The following SLC25A43 variants were observed in gnomAD, a reference collection of about 807,000 sequenced individuals.
SLC25A43 encodes the protein solute carrier family 25 member 43.
In SLC25A43, 10 loss-of-function variants were observed where a neutral mutation model predicts 22.8. The observed-to-expected ratio is 0.44, with a 90% CI of 0.27 to 0.74. SLC25A43 has a LOEUF of 0.74. Among genes scored for constraint, SLC25A43 ranks in the 30% least tolerant of loss-of-function variants. The probability of loss-of-function intolerance (pLI) is 0.17; values close to 1 mark genes in which losing one functional copy is unlikely to be tolerated. For missense variants in SLC25A43, 233 were observed against 279.1 expected (o/e 0.83, Z 1.18); for synonymous variants, 106 against 121.6 (o/e 0.87, Z 0.84).
intron 3 of SLC25A43, among the ~76,000 whole-genome samples, chrX:119,441,958 TG>T (rs2052626545): frequency 1.8e-5 from 2 of 110,785 alleles, no homozygotes; most frequent in African/African-American, 6.6e-5. Flanking sequence ...GGCCTGGTGG[TG>T]CACACCTGTA....
intron 3 of SLC25A43, among the ~76,000 whole-genome samples, chrX:119,443,519 G>T (rs1333217728): frequency 1.0e-5 from 1 of 98,054 alleles, no homozygotes; most frequent in Non-Finnish European, 2.0e-5. Context: ...CACAATCTCA[G>T]CTCACTGCAA....
chrX:119,401,252 C>T (rs867059832), intron 1 of SLC25A43, among the ~76,000 whole-genome samples: 2 of 111,243 alleles, frequency 1.8e-5, no homozygotes, highest in Non-Finnish European at 3.8e-5. Flanking sequence ...TGCTGCCTCC[C>T]TGCATCCATT....
At chrX:119,419,540 T>C (rs2147269586) in intron 3 of SLC25A43, among the ~76,000 whole-genome samples, 1 of 111,697 alleles carries the variant, frequency 9.0e-6, no homozygotes, top group South Asian at 3.8e-4. Context: ...ACTTCATTCA[T>C]TCCCTCTCAG....
intron 3 of SLC25A43, among the ~76,000 whole-genome samples, chrX:119,445,074 C>T (rs1766600379): frequency 2.1e-5 from 2 of 95,154 alleles, no homozygotes; most frequent in African/African-American, 3.8e-5. Flanking sequence ...AAGGAACTTG[C>T]TTAAGATCAA....
At chrX:119,432,992 G>A (rs972711059) in intron 3 of SLC25A43, among the ~76,000 whole-genome samples, 2 of 110,149 alleles carry the variant, frequency 1.8e-5, no homozygotes, top group Middle Eastern at 4.6e-3. Flanking sequence ...CCAGCTACTC[G>A]GGAGGCTGAG....
chrX:119,429,596 CA>C (rs2052536679), intron 3 of SLC25A43, among the ~76,000 whole-genome samples: 5 of 111,910 alleles, frequency 4.5e-5, no homozygotes. Context: ...AAACCATAAA[CA>C]CAACAAATGT....
In SLC25A43 at chrX:119,428,261, T is replaced by C. The variant is rs753624814; in HGVS notation, c.690+17899T>C. 1.6e-3 allele frequency among the ~76,000 whole-genome samples: 175 copies of C among 111,373 alleles called. 1 individual carries two copies. The highest frequency in any genetic ancestry group is 4.6e-3 in the Middle Eastern group (1 of 216). Reference sequence around the variant, plus strand: ...CTTGAGGTCAGGAGTTCAAGACCAGTCTGGCCAACATGGTGAAACCCTGTC... The same window carrying C: ...CTTGAGGTCAGGAGTTCAAGACCAGCCTGGCCAACATGGTGAAACCCTGTC... On this transcript the variant is annotated intron_variant, in intron 3 of 4. Coordinates refer to ENST00000217909, the MANE Select transcript of SLC25A43 (RefSeq NM_145305.3).
At chrX:119,430,289 G>A (rs781242846) in intron 3 of SLC25A43, among the ~76,000 whole-genome samples, 5 of 112,552 alleles carry the variant, frequency 4.4e-5, no homozygotes, top group South Asian at 7.3e-4. Context: ...ATTCTTTAGC[G>A]CTTGCTCTAT....
chrX:119,419,584 A>AT (rs746408020), intron 3 of SLC25A43, among the ~76,000 whole-genome samples: 4 of 111,288 alleles, frequency 3.6e-5, no homozygotes, highest in Non-Finnish European at 7.5e-5. Context: ...TTTCATGTTC[A>AT]TATCTACATC....
In SLC25A43 at chrX:119,399,526, G is replaced by A. The variant is rs1010625698; in HGVS notation, c.123G>A (p.Gln41=). ...APLELATVLA[Q]VGVVRGHARG... ...TGGAGCTCGCCACCGTGCTGGCCCA[G>A]GTTGGCGTCGTGCGAGGCCACGCCC... The change falls in exon 1 of 5, where the codon CAG becomes CAA. Residue 41 remains glutamine (Q), a synonymous_variant. Transcript: ENST00000217909. 7.3e-6 allele frequency: 8 copies of A among 1,088,563 alleles called. No homozygotes were observed. In the African/African-American group the frequency reaches 1.3e-4, roughly 18 times the overall value. The allele number at this position is 1,088,563 out of a possible 1,213,427, so 89.7% of individuals were successfully genotyped here. A position where few individuals can be genotyped will look rare whatever the true frequency, so the allele number is the denominator to read the frequency against.
intron 3 of SLC25A43, among the ~76,000 whole-genome samples, chrX:119,443,155 T>A (rs1162037996): frequency 4.2e-5 from 4 of 95,418 alleles, no homozygotes; most frequent in Admixed American, 3.7e-4. Flanking sequence ...AATCTCACTC[T>A]GTCACCCAGG....
chrX:119,444,312 A>G (rs766008001), intron 3 of SLC25A43, among the ~76,000 whole-genome samples: 9 of 111,563 alleles, frequency 8.1e-5, no homozygotes, highest in Non-Finnish European at 1.7e-4. Flanking sequence ...AATAATGTCT[A>G]ATATTATTGA....
intron 3 of SLC25A43, among the ~76,000 whole-genome samples, chrX:119,447,958 T>C (rs1378684694): frequency 9.0e-6 from 1 of 111,193 alleles, no homozygotes; most frequent in South Asian, 3.8e-4. Context: ...CCATCTCCAT[T>C]TGAATGGCTA....
At chrX:119,400,545 T>C (rs752681973) in intron 1 of SLC25A43, among the ~76,000 whole-genome samples, 73 of 112,260 alleles carry the variant, frequency 6.5e-4, no homozygotes, top group African/African-American at 2.2e-3. Context: ...ATCTTTGATA[T>C]CGCCTTGGCT....
intron 3 of SLC25A43, among the ~76,000 whole-genome samples, chrX:119,427,289 C>T (rs1165651315): frequency 8.9e-6 from 1 of 111,844 alleles, no homozygotes; most frequent in Admixed American, 9.5e-5. Flanking sequence ...TTTCTCTTTT[C>T]TTCGTCCAAG....
intron 3 of SLC25A43, among the ~76,000 whole-genome samples, chrX:119,428,261 T>G (rs753624814): frequency 9.0e-6 from 1 of 111,322 alleles, no homozygotes; most frequent in African/African-American, 3.3e-5. Flanking sequence ...TCAAGACCAG[T>G]CTGGCCAACA....
At chrX:119,419,211 G>A (rs978608199) in intron 3 of SLC25A43, among the ~76,000 whole-genome samples, 1 of 110,949 alleles carries the variant, frequency 9.0e-6, no homozygotes, top group African/African-American at 3.3e-5. Context: ...ACACATGCTC[G>A]GTCCCCCCAC....
chrX:119,429,813 C>CTGATCAAT, intron 3 of SLC25A43, among the ~76,000 whole-genome samples: 1 of 111,813 alleles, frequency 8.9e-6, no homozygotes, highest in Non-Finnish European at 1.9e-5. Flanking sequence ...GATGTTTATT[C>CTGATCAAT]TGATCAATAA....
rs184919649 is a variant in SLC25A43 at position 119,453,427 on chromosome X, C to T, written c.*362C>T. The T allele has an allele frequency of 6.0e-4, 113 of 187,676 alleles. No individual in the cohort carries two copies. The highest frequency in any genetic ancestry group is 3.3e-3 in the African/African-American group (111 of 33,559). The allele number at this position is 187,676 out of a possible 1,213,427, so 15.5% of individuals were successfully genotyped here. A position where few individuals can be genotyped will look rare whatever the true frequency, so the allele number is the denominator to read the frequency against. ...AATTGAAGTGGCTGAGTGGATACCA[C>T]GTTGTGAGGTCAGCCACTGGGTCAC... is the stretch of plus-strand genomic sequence containing the variant. On this transcript the variant is annotated 3_prime_UTR_variant, in exon 5 of 5. Transcript: ENST00000217909.
Sources: allele counts gnomAD v4.1 joint callset (sites outside exome capture counted in the v4.1 genomes callset), GRCh38; gene constraint gnomAD v4.1.1; transcripts MANE v1.5; gene names NCBI Gene and HGNC (gene_info 2026-07-23, HGNC 2026-07-21).